Variants in DLG2 observed in about 807,000 individuals in gnomAD.
DLG2 encodes disks large homolog 2.
A neutral mutation model predicts 132.5 loss-of-function variants in DLG2; 45 were observed. That is an observed-to-expected ratio of 0.34 (90% CI 0.27 to 0.44). DLG2 has a LOEUF of 0.44. Among genes scored for constraint, DLG2 ranks in the 20% least tolerant of loss-of-function variants. The pLI is 1.00. For missense variants in DLG2, 1,045 were observed against 1,196.9 expected (o/e 0.87, Z 1.87); for synonymous variants, 424 against 419.6 (o/e 1.01, Z -0.13).
intron 7 of DLG2, among the ~76,000 whole-genome samples, chr11:84,342,632 T>C (rs2154406853): frequency 6.6e-6 from 1 of 152,294 alleles, no homozygotes; most frequent in Admixed American, 6.5e-5. Context: ...TGGACATGTA[T>C]ATAAAGCATT....
chr11:84,117,268 G>A (rs1370345471), intron 9 of DLG2, among the ~76,000 whole-genome samples: 1 of 152,124 alleles, frequency 6.6e-6, no homozygotes, highest in Non-Finnish European at 1.5e-5. Context: ...TTTCTAGCCT[G>A]CTTTAGTTTT....
chr11:85,359,928 A>G (rs1001487419), intron 3 of DLG2, among the ~76,000 whole-genome samples: 1 of 152,184 alleles, frequency 6.6e-6, no homozygotes, highest in African/African-American at 2.4e-5. Context: ...AAAATGGTTT[A>G]TATAACCAAG....
intron 11 of DLG2, among the ~76,000 whole-genome samples, chr11:84,026,328 C>A (rs1255413634): frequency 6.6e-6 from 1 of 151,914 alleles, no homozygotes; most frequent in African/African-American, 2.4e-5. Flanking sequence ...AGAAACCACC[C>A]TAGTCATGGA....
intron 15 of DLG2, among the ~76,000 whole-genome samples, chr11:83,909,790 T>A (rs888594529): frequency 6.6e-6 from 1 of 152,154 alleles, no homozygotes; most frequent in Admixed American, 6.6e-5. Flanking sequence ...GGAGACAGTA[T>A]TGCTCAAGGG....
intron 7 of DLG2, among the ~76,000 whole-genome samples, chr11:84,517,043 A>G (rs1355324145): frequency 2.3e-5 from 3 of 131,920 alleles, no homozygotes; most frequent in Non-Finnish European, 5.0e-5. Context: ...AAATAAATAA[A>G]TAAATATTCT....
chr11:85,624,042 T>C (rs1159640360), intron 2 of DLG2, among the ~76,000 whole-genome samples: 2 of 152,178 alleles, frequency 1.3e-5, no homozygotes, highest in Non-Finnish European at 2.9e-5. Flanking sequence ...AAGAAAATCT[T>C]GAATGAAAAG....
In DLG2 at chr11:84,185,097, A is replaced by G. The variant is rs560432790; in HGVS notation, c.574-21586T>C. On this transcript the variant is annotated intron_variant, in intron 8 of 27. Transcript: ENST00000376104. ...ATGAACTTTAAAGCAGTTTTTTCCA[A>G]TTCTGTGAAGAAAGTCATTGGTAGC... Among the ~76,000 whole-genome samples the G allele has an allele frequency of 3.2e-3, 493 of 152,134 alleles. 10 individuals carry two copies. The highest frequency in any genetic ancestry group is 0.029 in the Admixed American group (448 of 15,284).
intron 11 of DLG2, among the ~76,000 whole-genome samples, chr11:84,009,803 C>A (rs747846578): frequency 6.6e-6 from 1 of 151,956 alleles, no homozygotes; most frequent in Non-Finnish European, 1.5e-5. Flanking sequence ...ATTCACTATG[C>A]CTTATCTCAT....
At chr11:83,884,297 C>T (rs2067153089) in intron 15 of DLG2, among the ~76,000 whole-genome samples, 1 of 152,236 alleles carries the variant, frequency 6.6e-6, no homozygotes. Flanking sequence ...TTATATCCCG[C>T]ATCTGGCTCG....
intron 24 of DLG2, 141 bp from the exon 25 acceptor site, chr11:83,469,514 G>A (rs1820264083): frequency 6.5e-6 from 4 of 611,566 alleles, no homozygotes; most frequent in Admixed American, 7.0e-5. Context: ...ACAGGTACTA[G>A]TCTTACCCTC....
intron 14 of DLG2, 83 bp from the exon 15 acceptor site, chr11:83,930,566 T>A (rs1213281601): frequency 7.3e-7 from 1 of 1,362,916 alleles, no homozygotes; most frequent in South Asian, 1.5e-5. Flanking sequence ...TCTCAGCATG[T>A]GCAAAAGTAA....
chr11:84,951,290 G>A (rs74358329), intron 6 of DLG2, among the ~76,000 whole-genome samples: 19 of 152,246 alleles, frequency 1.2e-4, no homozygotes, highest in Non-Finnish European at 2.4e-4. Flanking sequence ...TCATCTTAAA[G>A]ATGAGACATG....
chr11:84,087,414 C>A (rs1286490654), intron 10 of DLG2, among the ~76,000 whole-genome samples: 1 of 152,152 alleles, frequency 6.6e-6, no homozygotes, highest in African/African-American at 2.4e-5. Flanking sequence ...TGATGCTGGA[C>A]ATCTTTTTAT....
intron 3 of DLG2, among the ~76,000 whole-genome samples, chr11:85,388,866 G>C (rs1352130747): frequency 6.6e-6 from 1 of 152,134 alleles, no homozygotes; most frequent in African/African-American, 2.4e-5. Context: ...TTGAGTCCCA[G>C]ATCTTCCTTC....
chr11:84,528,171 A>C (rs2154519483), intron 7 of DLG2, among the ~76,000 whole-genome samples: 1 of 152,272 alleles, frequency 6.6e-6, no homozygotes, highest in Non-Finnish European at 1.5e-5. Context: ...AGAAGACCTA[A>C]ACTGAAAAGA....
intron 7 of DLG2, among the ~76,000 whole-genome samples, chr11:84,461,676 A>G (rs1342655308): frequency 1.3e-5 from 2 of 151,052 alleles, no homozygotes; most frequent in Non-Finnish European, 3.0e-5. Flanking sequence ...ATTTAGAAGT[A>G]ATATAAAGAG....
rs61334060 is a variant in DLG2, at chr11:85,584,339, GGTGTGTGTGTGT to G, written c.40+14306_40+14317del. Among the ~76,000 whole-genome samples, 423 of 145,036 alleles carry G rather than the reference GGTGTGTGTGTGT, an allele frequency of 2.9e-3. 1 individual carries two copies. Among genetic ancestry groups the G allele is most frequent in the African/African-American group, 9.0e-3 (355 of 39,234 alleles). On this transcript the variant is annotated intron_variant, in intron 3 of 27. Transcript: ENST00000376104. ...CTTTTATGGCTGAGTAGTATTCCAT[GGTGTGTGTGTGT>G]GTGTGTGTGTGTGTGTGTGTGTGTG... is the stretch of plus-strand genomic sequence containing the variant.
At chr11:83,472,593 A>G in intron 23 of DLG2, 134 bp downstream of exon 23, 1 of 706,898 alleles carries the variant, frequency 1.4e-6, no homozygotes. Flanking sequence ...ACAGCGTAAG[A>G]GTAAGGTACG....
chr11:85,551,791 C>A (rs1248221899), intron 3 of DLG2, among the ~76,000 whole-genome samples: 2 of 151,856 alleles, frequency 1.3e-5, no homozygotes, highest in Non-Finnish European at 2.9e-5. Context: ...TGATGTTATC[C>A]CACTACTAAT....
Sources: allele counts gnomAD v4.1 joint callset (sites outside exome capture counted in the v4.1 genomes callset), GRCh38; gene constraint gnomAD v4.1.1; transcripts MANE v1.5; gene names NCBI Gene and HGNC (gene_info 2026-07-23, HGNC 2026-07-21).